The following PUM1 variants were observed in gnomAD, a reference collection of about 807,000 sequenced individuals.
The protein encoded by PUM1 is pumilio homolog 1.
Under a neutral mutation model 131.8 loss-of-function variants are expected in PUM1, and 13 were observed. The observed-to-expected ratio is 0.10, with a 90% CI of 0.06 to 0.16. The LOEUF is 0.16. PUM1 is among the 10% of genes least tolerant of loss of function. PUM1 has a pLI of 1.00. For missense variants in PUM1, 961 were observed against 1,512.4 expected (o/e 0.64, Z 6.05); for synonymous variants, 509 against 556.5 (o/e 0.91, Z 1.20).
intron 6 of PUM1, among the ~76,000 whole-genome samples, chr1:30,994,570 A>T (rs959857096): frequency 1.3e-5 from 2 of 152,222 alleles, no homozygotes; most frequent in African/African-American, 4.8e-5. Flanking sequence ...CAAAATAAGG[A>T]AAATGATACC....
chr1:31,026,682 A>G (rs192694317), intron 3 of PUM1, among the ~76,000 whole-genome samples: 2 of 152,174 alleles, frequency 1.3e-5, no homozygotes, highest in Non-Finnish European at 2.9e-5. Context: ...CACTTACTAG[A>G]TGTGTTACCT....
chr1:31,043,746 A>G (rs1643892914), intron 2 of PUM1, among the ~76,000 whole-genome samples: 1 of 152,190 alleles, frequency 6.6e-6, no homozygotes, highest in African/African-American at 2.4e-5. Context: ...GTTTATTTAC[A>G]GTGTTAGCCT....
At chr1:30,999,542 G>A (rs1202055370) in intron 5 of PUM1, among the ~76,000 whole-genome samples, 2 of 144,106 alleles carry the variant, frequency 1.4e-5, no homozygotes, top group Admixed American at 1.5e-4. Flanking sequence ...TGGAGGCAGA[G>A]GTTGCAGTGA....
At chr1:30,962,901 TTTAG>T (rs1640476517) in intron 14 of PUM1, among the ~76,000 whole-genome samples, 1 of 152,198 alleles carries the variant, frequency 6.6e-6, no homozygotes, top group Non-Finnish European at 1.5e-5. Context: ...GTTCAGTTTA[TTTAG>T]TATGTAGTAT....
At chr1:30,946,064 C>T (rs745899519) in intron 17 of PUM1, among the ~76,000 whole-genome samples, 24 of 151,802 alleles carry the variant, frequency 1.6e-4, no homozygotes, top group Non-Finnish European at 2.9e-4. Flanking sequence ...GAATTACAGG[C>T]ATGAGCCACC....
At chr1:30,999,236 G>A (rs1025757615) in intron 5 of PUM1, among the ~76,000 whole-genome samples, 2 of 152,140 alleles carry the variant, frequency 1.3e-5, no homozygotes, top group African/African-American at 4.8e-5. Flanking sequence ...CTGGCTTCAA[G>A]TGATCCTCCT....
At chr1:31,042,483 A>G (rs1043139249) in intron 2 of PUM1, among the ~76,000 whole-genome samples, 1 of 152,180 alleles carries the variant, frequency 6.6e-6, no homozygotes, top group African/African-American at 2.4e-5. Context: ...AGGGGAAAAA[A>G]GCTAAATAAT....
At chr1:30,958,509 G>A (rs1436519208) in intron 14 of PUM1, among the ~76,000 whole-genome samples, 6 of 152,168 alleles carry the variant, frequency 3.9e-5, no homozygotes, top group African/African-American at 1.4e-4. Context: ...GATACAGCCA[G>A]GGGATTGTGC....
chr1:31,057,044 C>T (rs1644257206), intron 2 of PUM1, among the ~76,000 whole-genome samples: 1 of 152,074 alleles, frequency 6.6e-6, no homozygotes, highest in Non-Finnish European at 1.5e-5. Context: ...CCACCCACCT[C>T]GGCCTCCCAA....
intron 2 of PUM1, among the ~76,000 whole-genome samples, chr1:31,054,769 T>C (rs1437324873): frequency 1.3e-5 from 2 of 152,160 alleles, no homozygotes; most frequent in East Asian, 3.8e-4. Flanking sequence ...AACATTTGTA[T>C]TCATCTCATT....
intron 2 of PUM1, among the ~76,000 whole-genome samples, chr1:31,053,822 C>T (rs936385836): frequency 2.6e-5 from 4 of 151,854 alleles, no homozygotes; most frequent in African/African-American, 4.8e-5. Flanking sequence ...GGCCCAGGAA[C>T]GGTGGCTCAT....
At chr1:30,936,381 TGATTCTCTAGA>T in intron 21 of PUM1, among the ~76,000 whole-genome samples, 1 of 152,300 alleles carries the variant, frequency 6.6e-6, no homozygotes, top group South Asian at 2.1e-4. Context: ...ACTCATAAGC[TGATTCTCTAGA>T]GATCAGGGAT....
At chr1:31,003,505 C>CGCGGTGG (rs1210017067) in intron 5 of PUM1, among the ~76,000 whole-genome samples, 1 of 151,984 alleles carries the variant, frequency 6.6e-6, no homozygotes, top group East Asian at 1.9e-4. Context: ...GCTTGTAATC[C>CGCGGTGG]CAGCACTTTG....
chr1:31,038,980 A>ATTTTTTTTT (rs1371242054), intron 2 of PUM1, among the ~76,000 whole-genome samples: 2 of 29,598 alleles, frequency 6.8e-5, no homozygotes, highest in African/African-American at 5.8e-4. Context: ...ATATATATAT[A>ATTTTTTTTT]TATATTTTTT....
chr1:31,047,534 A>G (rs956370451), intron 2 of PUM1, among the ~76,000 whole-genome samples: 1 of 152,264 alleles, frequency 6.6e-6, no homozygotes, highest in Non-Finnish European at 1.5e-5. Flanking sequence ...TTTTGTACTC[A>G]GGCTTAGCCT....
At chr1:31,022,038 A>G (rs1005408357) in intron 3 of PUM1, among the ~76,000 whole-genome samples, 1 of 151,550 alleles carries the variant, frequency 6.6e-6, no homozygotes, top group Non-Finnish European at 1.5e-5. Context: ...AAAATTGTAT[A>G]CACTCAATAT....
intron 2 of PUM1, among the ~76,000 whole-genome samples, chr1:31,057,746 A>C (rs1460770488): frequency 1.3e-5 from 2 of 149,308 alleles, no homozygotes; most frequent in Non-Finnish European, 3.0e-5. Flanking sequence ...AAAAAAAAAA[A>C]ACAACTATGG....
intron 2 of PUM1, among the ~76,000 whole-genome samples, chr1:31,043,081 G>A (rs995041049): frequency 2.0e-5 from 3 of 152,118 alleles, no homozygotes; most frequent in African/African-American, 7.2e-5. Context: ...CCAAAGGAAC[G>A]ACATATTAAT....
At position 30,959,926 on chromosome 1, in the gene PUM1, T is replaced by C. The variant is rs557300167; in HGVS notation, c.2323+4748A>G. On this transcript the variant is annotated intron_variant, in intron 14 of 21. Coordinates refer to ENST00000426105, the MANE Select transcript of PUM1 (RefSeq NM_001020658.2). ...CAGCTCAAAAAAAAAAAAAAGGGCA[T>C]AAAAAACACTTGACAAAAACTAAAA... Among the ~76,000 whole-genome samples, 18 of 145,948 alleles carry C rather than the reference T, an allele frequency of 1.2e-4. No individual in the cohort carries two copies. The South Asian group carries it at 3.5e-3, about 28-fold the overall frequency.
Sources: gnomAD v4.1 joint callset for allele counts (sites outside exome capture counted in the v4.1 genomes callset) on GRCh38, gnomAD v4.1.1 for gene constraint, MANE v1.5 for transcripts, NCBI Gene and HGNC (gene_info 2026-07-23, HGNC 2026-07-21) for gene names.